Variants in PRKAG2 observed in about 807,000 individuals in gnomAD.
The protein encoded by PRKAG2 is 5'-AMP-activated protein kinase subunit gamma-2.
In PRKAG2, 26 loss-of-function variants were observed where a neutral mutation model predicts 69.6. The observed-to-expected ratio is 0.37, with a 90% CI of 0.27 to 0.52. PRKAG2 has a LOEUF of 0.52. Among genes scored for constraint, PRKAG2 ranks in the 20% least tolerant of loss-of-function variants. PRKAG2 has a pLI of 0.90. For synonymous variants in PRKAG2, 293 were observed against 285.0 expected, an observed-to-expected ratio of 1.03 and a Z score of -0.28; for missense variants, 557 against 740.0, an observed-to-expected ratio of 0.75 and a Z score of 2.87.
chr7:151,868,803 C>T (rs1200945483), intron 1 of PRKAG2, among the ~76,000 whole-genome samples: 1 of 152,192 alleles, frequency 6.6e-6, no homozygotes, highest in African/African-American at 2.4e-5. Context: ...AGACACTGGC[C>T]ATGAGCTGAA....
intron 3 of PRKAG2, chr7:151,735,809 A>G: frequency 6.8e-7 from 1 of 1,467,740 alleles, no homozygotes; most frequent in Non-Finnish European, 9.2e-7. Flanking sequence ...GTGGCTGGAA[A>G]CAGCTACTGC....
chr7:151,601,947 C>T (rs900399018), intron 5 of PRKAG2, among the ~76,000 whole-genome samples: 4 of 152,188 alleles, frequency 2.6e-5, no homozygotes, highest in African/African-American at 9.7e-5. Flanking sequence ...AGGGAGGGAA[C>T]GGATGGACAG....
chr7:151,595,185 G>A (rs756425180), intron 6 of PRKAG2, among the ~76,000 whole-genome samples, 160 bp downstream of exon 6: 2 of 152,152 alleles, frequency 1.3e-5, no homozygotes, highest in Non-Finnish European at 2.9e-5. Context: ...TTCTTATAAG[G>A]TTGCCAAGAT....
chr7:151,850,577 C>T lies in PRKAG2; in HGVS notation c.114+25930G>A, dbSNP rs1461793309. 2.6e-5 allele frequency among the ~76,000 whole-genome samples: 4 copies of T among 152,230 alleles called. No homozygotes were observed. Among genetic ancestry groups the T allele is most frequent in the African/African-American group, 9.6e-5 (4 of 41,452 alleles). On this transcript the variant is annotated intron_variant, in intron 1 of 15. Transcript: ENST00000287878. This position sits in a 1 kb window ranked among gnomAD's most constrained non-coding sequence, Gnocchi z 4.1. ...CACACTCAGCCAAGGAGCCCCGAGC[C>T]TGGATTGGAACCCAGATGGACCAAT...
chr7:151,675,760 G>A, intron 3 of PRKAG2, 123 bp from the exon 4 acceptor site: 1 of 917,538 alleles, frequency 1.1e-6, no homozygotes, highest in Non-Finnish European at 1.8e-6. Flanking sequence ...CCTCCAGGAA[G>A]GGACGTCGGG....
intron 3 of PRKAG2, among the ~76,000 whole-genome samples, chr7:151,757,214 C>T (rs1023119961): frequency 2.0e-5 from 3 of 152,160 alleles, no homozygotes; most frequent in Non-Finnish European, 4.4e-5. Context: ...GCTCATTCCT[C>T]CACACAAAGC....
At chr7:151,820,022 T>G (rs969016131) in intron 1 of PRKAG2, among the ~76,000 whole-genome samples, 3 of 152,242 alleles carry the variant, frequency 2.0e-5, no homozygotes, top group Non-Finnish European at 4.4e-5. Context: ...CAGGTGTTCC[T>G]GATTTTATGC....
At chr7:151,722,337 C>G (rs1797246172) in intron 3 of PRKAG2, among the ~76,000 whole-genome samples, 1 of 152,158 alleles carries the variant, frequency 6.6e-6, no homozygotes, top group African/African-American at 2.4e-5. Flanking sequence ...GCACTGCCTG[C>G]CAACCTCACC....
At chr7:151,731,706 A>C (rs1040651292) in intron 3 of PRKAG2, among the ~76,000 whole-genome samples, 5 of 152,152 alleles carry the variant, frequency 3.3e-5, no homozygotes, top group Non-Finnish European at 7.3e-5. Flanking sequence ...CCACAGAGGA[A>C]ACCCAGTGGA....
Position 151,638,772 on chromosome 7 carries a change from C to T in PRKAG2, c.685-6634G>A, listed in dbSNP as rs1177146886. ...ATAAAACAATTGCCAAAAAAGCACT[C>T]CTTTACGCACAGAGGTCGGATATGA... On this transcript the variant is annotated intron_variant, in intron 4 of 15. Transcript: ENST00000287878. The surrounding 1 kb of genome is among the most constrained non-coding windows in gnomAD (Gnocchi z 4.3). Among the ~76,000 whole-genome samples the T allele has an allele frequency of 2.0e-5, 3 of 152,180 alleles. No homozygotes were observed. The highest frequency in any genetic ancestry group is 6.5e-5 in the Admixed American group (1 of 15,278).
intron 15 of PRKAG2, chr7:151,557,569 T>C (rs1804015669): frequency 1.0e-6 from 1 of 985,242 alleles, no homozygotes; most frequent in Admixed American, 6.1e-5. Flanking sequence ...CTTACAAATA[T>C]GTATTAAAAA....
chr7:151,825,779 G>A (rs890599832), intron 1 of PRKAG2, among the ~76,000 whole-genome samples: 5 of 152,176 alleles, frequency 3.3e-5, no homozygotes, highest in Admixed American at 1.3e-4. Context: ...TGCATCGAGC[G>A]AAGGGATGCC....
chr7:151,733,480 G>A (rs1051190287), intron 3 of PRKAG2, among the ~76,000 whole-genome samples: 1 of 152,192 alleles, frequency 6.6e-6, no homozygotes, highest in African/African-American at 2.4e-5. Context: ...CCACTGTCTG[G>A]CACATAATAG....
At chr7:151,805,216 G>A (rs9648724) in intron 1 of PRKAG2, among the ~76,000 whole-genome samples, 31,820 of 152,036 alleles carry the variant, frequency 0.21, 3,529 homozygotes, top group South Asian at 0.26. Flanking sequence ...AATGTCTGCC[G>A]CGGGTGAAAC....
chr7:151,606,461 G>A (rs1473009748), intron 5 of PRKAG2, among the ~76,000 whole-genome samples: 2 of 152,138 alleles, frequency 1.3e-5, no homozygotes, highest in African/African-American at 4.8e-5. Context: ...GTAATTTGGA[G>A]TTATACAACA....
rs1824701152 is a variant in PRKAG2, at chr7:151,632,155, G to A, written c.685-17C>T. The A allele has an allele frequency of 1.5e-6, 2 of 1,373,088 alleles. No individual in the cohort carries two copies. The highest frequency in any genetic ancestry group is 9.5e-7 in the Non-Finnish European group (1 of 1,050,086). 85.1% of individuals were successfully genotyped at this position (1,373,088 alleles called of 1,614,324 possible). A position where few individuals can be genotyped will look rare whatever the true frequency, so the allele number is the denominator to read the frequency against. The stretch of plus-strand genomic sequence containing the variant: ...CAGCGCCGCCTGAGGGGGAGGAGGA[G>A]GACAGCGATCAGCATGAGCTGCGAC... On this transcript the variant is annotated splice_polypyrimidine_tract_variant and intron_variant, in intron 4 of 15. Coordinates refer to ENST00000287878, the MANE Select transcript of PRKAG2 (RefSeq NM_016203.4). This position sits in a 1 kb window ranked among gnomAD's most constrained non-coding sequence, Gnocchi z 4.2.
intron 1 of PRKAG2, among the ~76,000 whole-genome samples, chr7:151,795,878 T>TATATATACACATATATATATATATATAC (rs2077501301): frequency 1.7e-5 from 2 of 115,156 alleles, no homozygotes; most frequent in African/African-American, 7.2e-5. Context: ...TATATATATA[T>TATATATACACATATATATATATATATAC]ATATATATAT....
intron 3 of PRKAG2, among the ~76,000 whole-genome samples, chr7:151,677,475 A>G (rs1833125586): frequency 6.6e-6 from 1 of 152,266 alleles, no homozygotes. Context: ...TGCAGGCATG[A>G]GCCATCACAC....
At chr7:151,565,470 A>G (rs1352515815) in intron 12 of PRKAG2, 87 bp from the exon 13 acceptor site, 3 of 1,047,864 alleles carry the variant, frequency 2.9e-6, no homozygotes, top group Non-Finnish European at 4.2e-6. Flanking sequence ...ATAATTACTA[A>G]AAGTTAAACA....
Sources: gnomAD v4.1 joint callset for allele counts (sites outside exome capture counted in the v4.1 genomes callset) on GRCh38, gnomAD v4.1.1 for gene constraint, Gnocchi (gnomAD v3.1) non-coding constraint, MANE v1.5 for transcripts, NCBI Gene and HGNC (gene_info 2026-07-23, HGNC 2026-07-21) for gene names.